SRBD1: variants seen among roughly 807,000 people sequenced by gnomAD.
SRBD1 encodes the protein S1 RNA binding domain 1.
SRBD1 carries 88 observed loss-of-function variants against 115.3 expected under a neutral mutation model. That is an observed-to-expected ratio of 0.76 (90% CI 0.64 to 0.91). The LOEUF is 0.91. Ranked by LOEUF, SRBD1 falls within the 40% of genes least tolerant of loss-of-function variation. The pLI is 0.00. For missense variants in SRBD1, 1,385 were observed against 1,177.4 expected, an observed-to-expected ratio of 1.18 and a Z score of -2.58; for synonymous variants, 509 against 407.7, an observed-to-expected ratio of 1.25 and a Z score of -2.99.
At chr2:45,431,853 T>C (rs1180507203) in intron 16 of SRBD1, among the ~76,000 whole-genome samples, 1 of 152,168 alleles carries the variant, frequency 6.6e-6, no homozygotes, top group Non-Finnish European at 1.5e-5. Flanking sequence ...CCAAGTTAAC[T>C]CACTGAATTT....
At chr2:45,605,842 T>G (rs1661497699) in intron 1 of SRBD1, among the ~76,000 whole-genome samples, 1 of 148,072 alleles carries the variant, frequency 6.8e-6, no homozygotes, top group Non-Finnish European at 1.5e-5. Context: ...AGGTGGAGGT[T>G]GCAGAGAGCT....
At chr2:45,599,342 G>C (rs1674012314) in intron 4 of SRBD1, 107 bp downstream of exon 4, 1 of 1,450,380 alleles carries the variant, frequency 6.9e-7, no homozygotes, top group African/African-American at 1.4e-5. Flanking sequence ...CAAAACTGAA[G>C]AGAGAATTGA....
chr2:45,556,461 T>TC (rs1672480326), intron 10 of SRBD1, among the ~76,000 whole-genome samples: 1 of 132,640 alleles, frequency 7.5e-6, no homozygotes, highest in Non-Finnish European at 1.6e-5. Context: ...TTTTTTTTTT[T>TC]TTTTTTTTTT....
chr2:45,482,635 C>T (rs982471984), intron 15 of SRBD1, among the ~76,000 whole-genome samples: 1 of 151,836 alleles, frequency 6.6e-6, no homozygotes, highest in Admixed American at 6.6e-5. Flanking sequence ...CACACACACA[C>T]ACACACACAC....
intron 19 of SRBD1, among the ~76,000 whole-genome samples, chr2:45,401,684 C>G (rs1039420444): frequency 6.6e-6 from 1 of 152,118 alleles, no homozygotes; most frequent in Non-Finnish European, 1.5e-5. Context: ...CAATGCAGAA[C>G]GAAGCTGTGG....
intron 14 of SRBD1, among the ~76,000 whole-genome samples, chr2:45,537,226 A>G (rs1171623675): frequency 2.6e-5 from 4 of 152,190 alleles, no homozygotes; most frequent in Non-Finnish European, 5.9e-5. Flanking sequence ...TCAGCACTGG[A>G]GTCTTCTTAA....
intron 1 of SRBD1, among the ~76,000 whole-genome samples, chr2:45,606,491 G>A (rs1022140284): frequency 6.6e-6 from 1 of 152,130 alleles, no homozygotes; most frequent in Non-Finnish European, 1.5e-5. Context: ...ATAAAGTAGA[G>A]GTCTCTCTAC....
At chr2:45,523,927 A>G (rs1339288788) in intron 14 of SRBD1, among the ~76,000 whole-genome samples, 4 of 152,092 alleles carry the variant, frequency 2.6e-5, no homozygotes. Context: ...TCTTAACAAA[A>G]TACTAGCAAA....
chr2:45,493,091 A>G (rs1213720201), intron 14 of SRBD1, among the ~76,000 whole-genome samples: 1 of 152,222 alleles, frequency 6.6e-6, no homozygotes, highest in African/African-American at 2.4e-5. Flanking sequence ...CTGCCTATCA[A>G]AAATGAAGGT....
chr2:45,486,698 A>C (rs1670131395), intron 15 of SRBD1, among the ~76,000 whole-genome samples: 1 of 151,954 alleles, frequency 6.6e-6, no homozygotes, highest in Non-Finnish European at 1.5e-5. Context: ...GCACCACTGT[A>C]CTCCAGCCTG....
intron 16 of SRBD1, chr2:45,447,571 G>A (rs1668863991): frequency 6.6e-6 from 1 of 152,172 alleles, no homozygotes; most frequent in African/African-American, 2.4e-5. Flanking sequence ...GTTCCATATA[G>A]AAGGCAATTT....
At chr2:45,419,970 A>T (rs1667949207) in intron 16 of SRBD1, 76 bp from the exon 17 acceptor site, 1 of 1,295,710 alleles carries the variant, frequency 7.7e-7, no homozygotes, top group South Asian at 1.2e-5. Context: ...TGCCTATATT[A>T]CTGGTGGTTA....
chr2:45,472,984 G>A (rs751994447), intron 16 of SRBD1, among the ~76,000 whole-genome samples: 2 of 148,288 alleles, frequency 1.3e-5, no homozygotes, highest in Non-Finnish European at 3.0e-5. Flanking sequence ...AGTGTCTCTT[G>A]CACATATGTA....
At chr2:45,565,614 T>C (rs1465094623) in intron 9 of SRBD1, among the ~76,000 whole-genome samples, 1 of 152,116 alleles carries the variant, frequency 6.6e-6, no homozygotes, top group Non-Finnish European at 1.5e-5. Context: ...AACAAAAAAC[T>C]AGATTGAACT....
intron 16 of SRBD1, among the ~76,000 whole-genome samples, chr2:45,441,984 A>T (rs1668683423): frequency 6.6e-6 from 1 of 152,196 alleles, no homozygotes; most frequent in African/African-American, 2.4e-5. Flanking sequence ...CCCTAGTCAG[A>T]CTAATCTCTG....
intron 1 of SRBD1, among the ~76,000 whole-genome samples, chr2:45,610,821 G>C (rs984823551): frequency 3.3e-5 from 5 of 152,086 alleles, no homozygotes; most frequent in Non-Finnish European, 2.9e-5. Context: ...CCAGCTACTC[G>C]GGAGGCTGAG....
Position 45,573,254 on chromosome 2 carries a change from G to C in SRBD1, c.1258C>G (p.Leu420Val), listed in dbSNP as rs778739298. Reference sequence around the variant, plus strand: ...ATGTTGCAGGAAAAATGCTGGTAGAGCAGAAACTTATCAACATCTTTCTCA... The same window carrying C: ...ATGTTGCAGGAAAAATGCTGGTAGACCAGAAACTTATCAACATCTTTCTCA... ...VNEKDVDKFL[L>V]YQHFSCNIRN... The change falls in exon 9 of 21, where the codon CTC (leucine) becomes GTC (valine). Residue 420 changes from leucine (L) to valine (V), a missense_variant. By Grantham distance (32) the Leu-to-Val change is conservative. Transcript: ENST00000263736. The C allele has an allele frequency of 6.2e-7, 1 of 1,611,980 alleles. No homozygotes were observed.
chr2:45,425,581 A>G (rs1668127344), intron 16 of SRBD1, among the ~76,000 whole-genome samples: 1 of 152,066 alleles, frequency 6.6e-6, no homozygotes, highest in African/African-American at 2.4e-5. Flanking sequence ...ATCAATGCAG[A>G]AGGTGGGTGA....
At chr2:45,538,272 C>T (rs1333346728) in intron 14 of SRBD1, among the ~76,000 whole-genome samples, 1 of 152,204 alleles carries the variant, frequency 6.6e-6, no homozygotes, top group African/African-American at 2.4e-5. Context: ...CCCAGAGGGC[C>T]TTACCCCAGA....
Sources: allele counts gnomAD v4.1 joint callset (sites outside exome capture counted in the v4.1 genomes callset), GRCh38; gene constraint gnomAD v4.1.1; transcripts MANE v1.5; gene names NCBI Gene and HGNC (gene_info 2026-07-23, HGNC 2026-07-21).